Variants in STON1 observed in about 807,000 individuals in gnomAD.
The protein encoded by STON1 is stonin-1.
A neutral mutation model predicts 60.9 loss-of-function variants in STON1; 79 were observed. That is an observed-to-expected ratio of 1.30 (90% CI 1.08 to 1.56). The LOEUF is 1.56. STON1 is among the 40% of genes most tolerant of loss of function. The pLI, the probability that STON1 is intolerant of heterozygous loss-of-function variation, is 0.00. For synonymous variants in STON1, 363 were observed against 306.9 expected, an observed-to-expected ratio of 1.18 and a Z score of -1.91; for missense variants, 1,166 against 858.9, an observed-to-expected ratio of 1.36 and a Z score of -4.47.
intron 1 of STON1, among the ~76,000 whole-genome samples, chr2:48,564,206 G>C (rs949711958): frequency 1.3e-5 from 2 of 152,112 alleles, no homozygotes; most frequent in South Asian, 4.1e-4. Context: ...CTTCAAGTTT[G>C]AGCTACTATC....
chr2:48,583,816 A>G (rs916426986), intron 2 of STON1, among the ~76,000 whole-genome samples: 2 of 151,136 alleles, frequency 1.3e-5, no homozygotes, highest in South Asian at 2.1e-4. Flanking sequence ...CGGTGGCACA[A>G]TCTCGGCTTA....
At chr2:48,565,437 TATC>T (rs1439719325) in intron 1 of STON1, among the ~76,000 whole-genome samples, 1 of 152,148 alleles carries the variant, frequency 6.6e-6, no homozygotes, top group Non-Finnish European at 1.5e-5. Context: ...CATCTCTAAA[TATC>T]ATCACATTGG....
rs74442881 is a variant in STON1, at chr2:48,535,249, A to G, written c.-48+5033A>G. Among the ~76,000 whole-genome samples the G allele has an allele frequency of 4.9e-3, 752 of 152,246 alleles. 3 individuals carry two copies. The highest frequency in any genetic ancestry group is 0.017 in the African/African-American group (691 of 41,538). On this transcript the variant is annotated intron_variant, in intron 1 of 3. Coordinates refer to ENST00000404752, the MANE Select transcript of STON1 (RefSeq NM_006873.4). Reference sequence around the variant, plus strand: ...ATAAGAAAGAGAAAAAAAAAACCTCATTGCTGGATGCTTATTACTATGAAC... The same window carrying G: ...ATAAGAAAGAGAAAAAAAAAACCTCGTTGCTGGATGCTTATTACTATGAAC...
intron 1 of STON1, among the ~76,000 whole-genome samples, chr2:48,544,545 T>A (rs1671785105): frequency 6.6e-6 from 1 of 152,118 alleles, no homozygotes; most frequent in Non-Finnish European, 1.5e-5. Context: ...TTTCGTTTTT[T>A]GTTTTGTTTT....
chr2:48,547,813 A>T (rs774127441), intron 1 of STON1, among the ~76,000 whole-genome samples: 1 of 152,232 alleles, frequency 6.6e-6, no homozygotes, highest in African/African-American at 2.4e-5. Flanking sequence ...TGTCTACATG[A>T]TAATGAGATG....
chr2:48,581,214 C>G lies in STON1; in HGVS notation c.581C>G (p.Ser194Cys), dbSNP rs1170866390. Residue 194 changes from serine (S) to cysteine (C), a missense_variant, in exon 2 of 4, where the codon TCC becomes TGC. Transcript: ENST00000404752. The part of the protein sequence containing the change: ...SPFWKDEGSD[S>C]HFTLDPPGSK... ...TTTTGGAAAGATGAAGGCAGTGATT[C>G]CCATTTCACCCTTGACCCACCAGGA... is the stretch of plus-strand genomic sequence containing the variant. 3.9e-6 allele frequency: 6 copies of G among 1,520,624 alleles called. No individual in the cohort carries two copies. The highest frequency in any genetic ancestry group is 4.4e-6 in the Non-Finnish European group (5 of 1,140,550). The allele number at this position is 1,520,624 out of a possible 1,614,324, so 94.2% of individuals were successfully genotyped here. A position where few individuals can be genotyped will look rare whatever the true frequency, so the allele number is the denominator to read the frequency against.
intron 1 of STON1, among the ~76,000 whole-genome samples, chr2:48,564,644 C>CCTTCTTCTTCTTTCTTATTT (rs1672847455): frequency 8.5e-6 from 1 of 117,020 alleles, no homozygotes; most frequent in African/African-American, 3.6e-5. Context: ...TTCTCCTTCT[C>CCTTCTTCTTCTTTCTTATTT]CTTCTTCTTC....
rs1276284645 is a variant in STON1, at chr2:48,536,696, A to G, written c.-48+6480A>G. On this transcript the variant is annotated intron_variant, in intron 1 of 3. Coordinates refer to ENST00000404752, the MANE Select transcript of STON1 (RefSeq NM_006873.4). ...AATTTATATAAACGTTAGTTTGTCT[A>G]GTTGCACACACACAGAAAATCCTGT... 3.9e-5 allele frequency among the ~76,000 whole-genome samples: 6 copies of G among 152,202 alleles called. No individual in the cohort carries two copies. In the East Asian group the frequency reaches 9.6e-4, roughly 24 times the overall value.
intron 1 of STON1, among the ~76,000 whole-genome samples, chr2:48,565,045 CTTTTT>C (rs35791710): frequency 2.8e-4 from 24 of 86,508 alleles, no homozygotes; most frequent in African/African-American, 1.1e-3. Flanking sequence ...CCGGCTTCTT[CTTTTT>C]TTTTTTTTTT....
chr2:48,551,678 T>TG (rs1672112079), intron 1 of STON1, among the ~76,000 whole-genome samples: 1 of 152,254 alleles, frequency 6.6e-6, no homozygotes, highest in East Asian at 1.9e-4. Flanking sequence ...GCATTTTCCT[T>TG]GGCATGGCTC....
chr2:48,581,699 GA>G lies in STON1; in HGVS notation c.1072del (p.Arg358GlyfsTer9). On this transcript the variant is annotated frameshift_variant, in exon 2 of 4. Transcript: ENST00000404752. LOFTEE classifies it high-confidence loss of function. Reference sequence around the variant, plus strand: ...GAAGATTGAACATGTGTCTTACACAGAAAAAAGGAAATACCATTCTAAGACA... The same window carrying G: ...GAAGATTGAACATGTGTCTTACACAGAAAAAGGAAATACCATTCTAAGACA... ...TVKIEHVSYT[E>X]KRKYHSKTEV... The G allele has an allele frequency of 6.2e-7, 1 of 1,607,886 alleles. No homozygotes were observed. Among genetic ancestry groups the G allele is most frequent in the Non-Finnish European group, 8.5e-7 (1 of 1,178,404 alleles).
At chr2:48,591,563 T>C in intron 2 of STON1, 90 bp from the exon 3 acceptor site, 1 of 1,513,882 alleles carries the variant, frequency 6.6e-7, no homozygotes, top group Non-Finnish European at 8.9e-7. Flanking sequence ...AAATTCCTTA[T>C]TAAGGAGAGA....
At chr2:48,561,181 G>T (rs1487377189) in intron 1 of STON1, among the ~76,000 whole-genome samples, 1 of 152,134 alleles carries the variant, frequency 6.6e-6, no homozygotes, top group Non-Finnish European at 1.5e-5. Context: ...CATGAATGAG[G>T]CTTCCATGTG....
chr2:48,593,872 C>T (rs1238279100), intron 3 of STON1, among the ~76,000 whole-genome samples: 2 of 152,122 alleles, frequency 1.3e-5, no homozygotes, highest in Non-Finnish European at 2.9e-5. Context: ...GTAGTGCTGT[C>T]CTGTGCAGCC....
chr2:48,588,257 T>C (rs1379526100), intron 2 of STON1, among the ~76,000 whole-genome samples: 3 of 152,222 alleles, frequency 2.0e-5, no homozygotes, highest in Admixed American at 6.5e-5. Context: ...TTTTTCTATA[T>C]GACTTTTAGA....
At position 48,561,396 on chromosome 2, in the gene STON1, T is replaced by C. The variant is rs570056045; in HGVS notation, c.-47-19191T>C. Among the ~76,000 whole-genome samples the C allele has an allele frequency of 1.2e-3, 185 of 152,196 alleles. 1 individual carries two copies. The highest frequency in any genetic ancestry group is 1.6e-3 in the Non-Finnish European group (108 of 68,032). ...TTCCATCTCGGAAGTCAGTATACTATAGGGCAAAGTGCAGAATTTGGGGCT... is the reference window on the plus strand; with the variant it reads ...TTCCATCTCGGAAGTCAGTATACTACAGGGCAAAGTGCAGAATTTGGGGCT... On this transcript the variant is annotated intron_variant, in intron 1 of 3. Transcript: ENST00000404752.
intron 2 of STON1, among the ~76,000 whole-genome samples, chr2:48,589,289 A>G (rs1674385219): frequency 6.6e-6 from 1 of 152,142 alleles, no homozygotes. Flanking sequence ...TAGACCTAAG[A>G]TTTTGTGATT....
At chr2:48,531,408 C>A (rs1277315329) in intron 1 of STON1, 1 of 152,218 alleles carries the variant, frequency 6.6e-6, no homozygotes, top group African/African-American at 2.4e-5. Flanking sequence ...AGGCTATGGA[C>A]TCCCCTGGAC....
Position 48,580,808 on chromosome 2 carries a change from A to G in STON1, c.175A>G (p.Ser59Gly), listed in dbSNP as rs755006078. The G allele has an allele frequency of 1.9e-6, 3 of 1,552,130 alleles. No individual in the cohort carries two copies. The East Asian group carries it at 6.9e-5, about 36-fold the overall frequency. ...TCCCAGTGGATCTTCCTCCACCAGC[A>G]GCACTCCTCTCTCCTCCCCCATTGT... ...EFPSGSSSTS[S>G]TPLSSPIVDF... The change falls in exon 2 of 4, where the codon AGC becomes GGC. Residue 59 changes from serine (S) to glycine (G), a missense_variant. Transcript: ENST00000404752.
Sources: gnomAD v4.1 joint callset for allele counts (sites outside exome capture counted in the v4.1 genomes callset) on GRCh38, gnomAD v4.1.1 for gene constraint, MANE v1.5 for transcripts, NCBI Gene and HGNC (gene_info 2026-07-23, HGNC 2026-07-21) for gene names.